Variants in NBEAL1 observed in about 807,000 individuals in gnomAD.
The protein encoded by NBEAL1 is neurobeachin-like protein 1.
Under a neutral mutation model 351.3 loss-of-function variants are expected in NBEAL1, and 273 were observed. That is an observed-to-expected ratio of 0.78 (90% CI 0.70 to 0.86). NBEAL1 has a LOEUF of 0.86. Ranked by LOEUF, NBEAL1 falls within the 40% of genes least tolerant of loss-of-function variation. The pLI, the probability that NBEAL1 is intolerant of heterozygous loss-of-function variation, is 0.00. For synonymous variants in NBEAL1, 1,050 were observed against 1,086.4 expected, an observed-to-expected ratio of 0.97 and a Z score of 0.66; for missense variants, 2,961 against 3,201.3, an observed-to-expected ratio of 0.92 and a Z score of 1.81.
intron 44 of NBEAL1, among the ~76,000 whole-genome samples, chr2:203,186,281 AGTCT>A (rs1192708309): frequency 6.6e-6 from 1 of 152,230 alleles, no homozygotes; most frequent in Non-Finnish European, 1.5e-5. Flanking sequence ...ATCTAAGTCA[AGTCT>A]GTGTGTGGAT....
chr2:203,141,386 T>TTTA (rs2063377449), intron 31 of NBEAL1, among the ~76,000 whole-genome samples: 1 of 99,006 alleles, frequency 1.0e-5, no homozygotes, highest in Non-Finnish European at 2.0e-5. Context: ...TTTTTTTTTT[T>TTTA]TTTTTTTTTT....
chr2:203,166,650 G>A (rs951650524), intron 37 of NBEAL1, among the ~76,000 whole-genome samples: 1 of 151,982 alleles, frequency 6.6e-6, no homozygotes, highest in Admixed American at 6.6e-5. Flanking sequence ...GGGTTCAAGC[G>A]ATTCTCCTGC....
intron 2 of NBEAL1, 105 bp downstream of exon 2, chr2:203,016,540 TAATG>T (rs2060683614): frequency 6.0e-6 from 4 of 665,908 alleles, no homozygotes; most frequent in Non-Finnish European, 9.1e-6. Flanking sequence ...TATTTAGTCA[TAATG>T]AATAACCCCA....
chr2:203,019,963 G>A (rs1254369689), intron 2 of NBEAL1, among the ~76,000 whole-genome samples: 1 of 151,938 alleles, frequency 6.6e-6, no homozygotes, highest in Admixed American at 6.6e-5. Context: ...ATAAAACTTG[G>A]CAATTTATTT....
At chr2:203,127,674 A>G (rs550874029) in intron 23 of NBEAL1, 107 bp from the exon 24 acceptor site, 1 of 607,730 alleles carries the variant, frequency 1.6e-6, no homozygotes, top group Non-Finnish European at 2.8e-6. Context: ...GTGAGCCAAG[A>G]TTGTACCACT....
At chr2:203,130,585 C>G (rs1024273575) in intron 25 of NBEAL1, 109 bp downstream of exon 25, 7 of 686,926 alleles carry the variant, frequency 1.0e-5, no homozygotes, top group African/African-American at 7.5e-5. Context: ...ATCTATTTCT[C>G]TAAGATGTTC....
At chr2:203,197,418 C>G (rs1461474334) in intron 48 of NBEAL1, 27 bp downstream of exon 48, 2 of 1,315,770 alleles carry the variant, frequency 1.5e-6, no homozygotes, top group African/African-American at 1.4e-5. Flanking sequence ...CTTTTTCACA[C>G]TGCTATGCCT....
At chr2:203,064,233 A>T (rs1440484192) in intron 6 of NBEAL1, among the ~76,000 whole-genome samples, 2 of 152,040 alleles carry the variant, frequency 1.3e-5, no homozygotes, top group Admixed American at 1.3e-4. Context: ...TTTTATTTTT[A>T]GTCAAGACAG....
In NBEAL1 at chr2:203,144,532, C is replaced by G. The variant is rs1050524067; in HGVS notation, c.4849-68C>G. Reference sequence around the variant, plus strand: ...AAAATTCTGAATCCACAGAGCCAGGCAGAACTTGTGCTTTCACTAAATGTT... The same window carrying G: ...AAAATTCTGAATCCACAGAGCCAGGGAGAACTTGTGCTTTCACTAAATGTT... On this transcript the variant is annotated intron_variant, in intron 31 of 55. Transcript: ENST00000683969. The G allele has an allele frequency of 6.3e-6, 9 of 1,422,842 alleles. No homozygotes were observed. The African/African-American group carries it at 1.3e-4, about 20-fold the overall frequency. 88.1% of individuals were successfully genotyped at this position (1,422,842 alleles called of 1,614,324 possible). A position where few individuals can be genotyped will look rare whatever the true frequency, so the allele number is the denominator to read the frequency against.
chr2:203,018,948 C>T (rs1002942541), intron 2 of NBEAL1, among the ~76,000 whole-genome samples: 6 of 152,134 alleles, frequency 3.9e-5, no homozygotes, highest in African/African-American at 1.4e-4. Context: ...CGTATTTTCC[C>T]ACTGTTTGGC....
At chr2:203,194,874 A>G (rs1314902491) in intron 47 of NBEAL1, among the ~76,000 whole-genome samples, 1 of 152,144 alleles carries the variant, frequency 6.6e-6, no homozygotes, top group African/African-American at 2.4e-5. Context: ...TTGATAATGT[A>G]GTGTAAAAAA....
chr2:203,029,554 C>T lies in NBEAL1; in HGVS notation c.52-12211C>T, dbSNP rs990039069. 4.6e-5 allele frequency among the ~76,000 whole-genome samples: 7 copies of T among 151,992 alleles called. No individual in the cohort carries two copies. The South Asian group carries it at 6.2e-4, about 14-fold the overall frequency. Reference sequence around the variant, plus strand: ...AGATAATACAAAAATTAGCCGGGCACGATGGCATGTGCCAGTGGTCCCAGC... The same window carrying T: ...AGATAATACAAAAATTAGCCGGGCATGATGGCATGTGCCAGTGGTCCCAGC... On this transcript the variant is annotated intron_variant, in intron 2 of 55. Transcript: ENST00000683969.
chr2:203,019,754 C>G (rs968308932), intron 2 of NBEAL1, among the ~76,000 whole-genome samples: 2 of 152,154 alleles, frequency 1.3e-5, no homozygotes, highest in African/African-American at 2.4e-5. Context: ...AGTAGTAGTA[C>G]TACCTCAGAA....
chr2:203,056,525 C>CT lies in NBEAL1; in HGVS notation c.387+23dup, dbSNP rs778101620. ...ATTCAGCAAGTAGGTGTGAACTAAT[C>CT]TTTTTTGTCACTTTACTGAGAACAA... is the stretch of plus-strand genomic sequence containing the variant. On this transcript the variant is annotated intron_variant, in intron 5 of 55. Transcript: ENST00000683969. 5 of 1,403,170 alleles carry CT rather than the reference C, an allele frequency of 3.6e-6. No homozygotes were observed. The African/African-American group carries it at 7.1e-5, about 20-fold the overall frequency. 86.9% of individuals were successfully genotyped at this position (1,403,170 alleles called of 1,614,324 possible).
intron 3 of NBEAL1, among the ~76,000 whole-genome samples, chr2:203,045,049 C>T (rs191609307): frequency 2.6e-5 from 4 of 152,124 alleles, no homozygotes; most frequent in Non-Finnish European, 5.9e-5. Context: ...GGAACATGGC[C>T]AAAAATTTCA....
In NBEAL1 at chr2:203,016,353, G is replaced by A. The variant is rs1288189633; in HGVS notation, c.-32G>A. 5 of 1,431,586 alleles carry A rather than the reference G, an allele frequency of 3.5e-6. No homozygotes were observed. The Admixed American group carries it at 7.2e-5, about 21-fold the overall frequency. 88.7% of individuals were successfully genotyped at this position (1,431,586 alleles called of 1,614,324 possible). A position where few individuals can be genotyped will look rare whatever the true frequency, so the allele number is the denominator to read the frequency against. Reference sequence around the variant, plus strand: ...GTAGTCTTGAACATAATTTTTTTAAGGAAAACTTAAAGTGCCAGAGTGAAA... The same window carrying A: ...GTAGTCTTGAACATAATTTTTTTAAAGAAAACTTAAAGTGCCAGAGTGAAA... On this transcript the variant is annotated 5_prime_UTR_variant, in exon 2 of 56. Transcript: ENST00000683969.
Position 203,192,963 on chromosome 2 carries a change from CTTTTTTTTT to C in NBEAL1, c.6922-814_6922-806del, listed in dbSNP as rs71408917. On this transcript the variant is annotated intron_variant, in intron 46 of 55. Transcript: ENST00000683969. The stretch of plus-strand genomic sequence containing the variant: ...CAGTATTGACTTTTTTTCTTTCTTT[CTTTTTTTTT>C]TTTTTTTTTTTTTTTTTGAGATGGA... Among the ~76,000 whole-genome samples the C allele has an allele frequency of 1.1e-4, 11 of 99,346 alleles. No homozygotes were observed. In the East Asian group the frequency reaches 1.4e-3, roughly 13 times the overall value. The allele number at this position is 99,346 out of a possible 152,430, so 65.2% of individuals were successfully genotyped here.
In NBEAL1 at chr2:203,041,868, C is replaced by T. The variant is rs748208045; in HGVS notation, c.143+12C>T. 4.4e-5 allele frequency: 67 copies of T among 1,531,210 alleles called. No homozygotes were observed. Among genetic ancestry groups the T allele is most frequent in the Non-Finnish European group, 5.2e-5 (59 of 1,128,774 alleles). 94.9% of individuals were successfully genotyped at this position (1,531,210 alleles called of 1,614,324 possible). On this transcript the variant is annotated intron_variant, in intron 3 of 55. Coordinates refer to ENST00000683969, the MANE Select transcript of NBEAL1 (RefSeq NM_001378026.1). ...AAGCTGCCTACCAGGTATGTAGAAACGCTAATTTGTAACCCCTGGATGAGT... is the reference window on the plus strand; with the variant it reads ...AAGCTGCCTACCAGGTATGTAGAAATGCTAATTTGTAACCCCTGGATGAGT...
At chr2:203,030,915 T>C (rs1256892422) in intron 2 of NBEAL1, among the ~76,000 whole-genome samples, 3 of 152,132 alleles carry the variant, frequency 2.0e-5, no homozygotes, top group Non-Finnish European at 4.4e-5. Flanking sequence ...CTTGGGAGAC[T>C]GAGGTGTGAG....
Sources: gnomAD v4.1 joint callset for allele counts (sites outside exome capture counted in the v4.1 genomes callset) on GRCh38, gnomAD v4.1.1 for gene constraint, MANE v1.5 for transcripts, NCBI Gene and HGNC (gene_info 2026-07-23, HGNC 2026-07-21) for gene names.